The following AGBL1 variants were observed in gnomAD, a reference collection of about 807,000 sequenced individuals.
The protein encoded by AGBL1 is cytosolic carboxypeptidase 4.
AGBL1 carries 130 observed loss-of-function variants against 118.9 expected under a neutral mutation model. The observed-to-expected ratio is 1.09, with a 90% CI of 0.95 to 1.26. The LOEUF (loss-of-function observed/expected upper bound fraction) is 1.26. Among genes scored for constraint, AGBL1 ranks in the 50% most tolerant of loss-of-function variants. AGBL1 has a pLI of 0.00. For missense variants in AGBL1, 1,584 were observed against 1,298.1 expected (o/e 1.22, Z -3.38); for synonymous variants, 555 against 478.9 (o/e 1.16, Z -2.08).
chr15:86,965,310 T>C (rs2081038062), intron 23 of AGBL1, among the ~76,000 whole-genome samples: 1 of 152,152 alleles, frequency 6.6e-6, no homozygotes, highest in East Asian at 1.9e-4. Context: ...CCTGACTTTT[T>C]AATGATTGCC....
chr15:86,683,743 C>T (rs992792095), intron 22 of AGBL1, among the ~76,000 whole-genome samples: 13 of 152,188 alleles, frequency 8.5e-5, no homozygotes, highest in Non-Finnish European at 1.5e-4. Context: ...AACTGCAGCC[C>T]TTCCCAGCCC....
chr15:86,679,453 T>C (rs1377159581), intron 22 of AGBL1, among the ~76,000 whole-genome samples: 2 of 152,122 alleles, frequency 1.3e-5, no homozygotes, highest in Non-Finnish European at 1.5e-5. Context: ...GTGAACTCTC[T>C]AGTTATACCT....
chr15:86,792,228 C>T (rs1207469555), intron 22 of AGBL1, among the ~76,000 whole-genome samples: 2 of 152,172 alleles, frequency 1.3e-5, no homozygotes, highest in African/African-American at 4.8e-5. Context: ...TTTTGCTCTG[C>T]ATCAGAATTC....
intron 24 of AGBL1, among the ~76,000 whole-genome samples, chr15:87,006,863 AATGGAATGAGAGAAAAGTAAAGG>A (rs2081510284): frequency 6.6e-6 from 1 of 152,120 alleles, no homozygotes; most frequent in South Asian, 2.1e-4. Flanking sequence ...GCCTGAGAAG[AATGGAATGAGAGAAAAGTAAAGG>A]ATCTGACATG....
At chr15:86,352,045 G>A (rs571570944) in intron 17 of AGBL1, among the ~76,000 whole-genome samples, 5 of 152,238 alleles carry the variant, frequency 3.3e-5, no homozygotes, top group Admixed American at 3.3e-4. Context: ...GGACACTGGG[G>A]GCTGACCAGT....
In AGBL1 at chr15:86,139,477, C is replaced by T. The variant is rs147729461; in HGVS notation, c.52-2527C>T. Among the ~76,000 whole-genome samples, 578 of 152,242 alleles carry T rather than the reference C, an allele frequency of 3.8e-3. 5 individuals carry two copies. Among genetic ancestry groups the T allele is most frequent in the African/African-American group, 0.013 (550 of 41,548 alleles). ...TTTAGTGGATTTCTGTTTCTTGCCT[C>T]TGTGCTGTATTGAAAAATAAGCCAG... On this transcript the variant is annotated intron_variant, in intron 1 of 22. Coordinates refer to ENST00000614907, the MANE Select transcript of AGBL1 (RefSeq NM_001386094.1).
intron 19 of AGBL1, among the ~76,000 whole-genome samples, chr15:86,537,876 A>G (rs2083447003): frequency 6.6e-6 from 1 of 152,240 alleles, no homozygotes; most frequent in South Asian, 2.1e-4. Context: ...ACCGACACAT[A>G]TCTGGCATTC....
intron 21 of AGBL1, among the ~76,000 whole-genome samples, chr15:86,643,003 T>C (rs2085218162): frequency 6.6e-6 from 1 of 152,234 alleles, no homozygotes; most frequent in South Asian, 2.1e-4. Flanking sequence ...TCAATGATTA[T>C]ATGACATCAA....
At chr15:86,567,951 G>C (rs762996754) in intron 21 of AGBL1, among the ~76,000 whole-genome samples, 2 of 152,080 alleles carry the variant, frequency 1.3e-5, no homozygotes, top group Non-Finnish European at 2.9e-5. Context: ...AAGGTGAGAT[G>C]GTTTTGAGAC....
intron 18 of AGBL1, among the ~76,000 whole-genome samples, chr15:86,520,125 G>GA (rs986815130): frequency 3.3e-5 from 5 of 151,216 alleles, no homozygotes; most frequent in South Asian, 2.1e-4. Context: ...TTCTTTATAA[G>GA]AAAAAAAAAT....
intron 23 of AGBL1, among the ~76,000 whole-genome samples, chr15:86,933,319 C>T (rs1451733087): frequency 1.3e-5 from 2 of 152,162 alleles, no homozygotes; most frequent in Admixed American, 1.3e-4. Flanking sequence ...CTCCCTACAA[C>T]TGATCCCCTC....
At chr15:86,348,390 C>A (rs754579460) in intron 17 of AGBL1, among the ~76,000 whole-genome samples, 8 of 152,224 alleles carry the variant, frequency 5.3e-5, no homozygotes, top group Non-Finnish European at 8.8e-5. Flanking sequence ...CTTCTGAGCT[C>A]TGCAGGGCAC....
At chr15:86,419,955 C>A (rs1054216311) in intron 18 of AGBL1, among the ~76,000 whole-genome samples, 4 of 152,326 alleles carry the variant, frequency 2.6e-5, no homozygotes, top group Middle Eastern at 3.4e-3. Context: ...AGAAAGGCAG[C>A]AGCTCCAGTC....
intron 21 of AGBL1, among the ~76,000 whole-genome samples, chr15:86,667,745 T>C (rs984324612): frequency 6.6e-6 from 1 of 152,162 alleles, no homozygotes; most frequent in African/African-American, 2.4e-5. Context: ...ACTATCTGAG[T>C]TTGAAATTCC....
At chr15:86,794,957 C>T (rs1254503847) in intron 22 of AGBL1, among the ~76,000 whole-genome samples, 3 of 152,052 alleles carry the variant, frequency 2.0e-5, no homozygotes, top group South Asian at 2.1e-4. Context: ...GAAGGCCACC[C>T]GGGGGGACCA....
At chr15:86,692,706 C>T (rs930579313) in intron 22 of AGBL1, among the ~76,000 whole-genome samples, 1 of 152,042 alleles carries the variant, frequency 6.6e-6, no homozygotes, top group Non-Finnish European at 1.5e-5. Context: ...GTGCACCCAT[C>T]ACCTGAGCAG....
chr15:86,141,954 A>T, intron 1 of AGBL1, 50 bp from the exon 2 acceptor site: 1 of 1,517,358 alleles, frequency 6.6e-7, no homozygotes, highest in East Asian at 2.5e-5. Flanking sequence ...TGATCATCCA[A>T]CTCCTTCCTC....
intron 21 of AGBL1, among the ~76,000 whole-genome samples, chr15:86,672,270 G>T (rs965628642): frequency 6.6e-6 from 1 of 152,172 alleles, no homozygotes; most frequent in Non-Finnish European, 1.5e-5. Flanking sequence ...TGACAACTAT[G>T]ACCTGAAATA....
At chr15:86,462,800 T>A (rs1179895735) in intron 18 of AGBL1, among the ~76,000 whole-genome samples, 1 of 152,238 alleles carries the variant, frequency 6.6e-6, no homozygotes, top group African/African-American at 2.4e-5. Flanking sequence ...TTCCATGGTG[T>A]ATATGCACCA....
Sources: allele counts gnomAD v4.1 joint callset (sites outside exome capture counted in the v4.1 genomes callset), GRCh38; gene constraint gnomAD v4.1.1; transcripts MANE v1.5; gene names NCBI Gene and HGNC (gene_info 2026-07-23, HGNC 2026-07-21).